Variants in TAAR5 observed in about 807,000 individuals in gnomAD.
TAAR5 encodes trace amine associated receptor 5.
A neutral mutation model predicts 21.1 loss-of-function variants in TAAR5; 27 were observed. The observed-to-expected ratio is 1.28, with a 90% CI of 0.94 to 1.76. TAAR5 has a LOEUF of 1.76. Ranked by LOEUF, TAAR5 falls within the 40% of genes most tolerant of loss-of-function variation. The pLI is 0.00. For synonymous variants in TAAR5, 203 were observed against 167.5 expected, an observed-to-expected ratio of 1.21 and a Z score of -1.64; for missense variants, 495 against 405.6, an observed-to-expected ratio of 1.22 and a Z score of -1.89.
chr6:132,600,382 T>A, the TAAR5 span, among the ~76,000 whole-genome samples: 6 of 152,160 alleles, frequency 3.9e-5, no homozygotes, highest in African/African-American at 7.2e-5. Flanking sequence ...AATGTTTCAA[T>A]GGTATTTGGC....
the TAAR5 span, among the ~76,000 whole-genome samples, chr6:132,598,995 C>T: frequency 6.6e-6 from 1 of 152,148 alleles, no homozygotes; most frequent in Non-Finnish European, 1.5e-5. Context: ...GAAAGTTTGA[C>T]TCATTTATAT....
chr6:132,603,232 G>A, the TAAR5 span, among the ~76,000 whole-genome samples: 8 of 150,978 alleles, frequency 5.3e-5, no homozygotes, highest in African/African-American at 2.0e-4. Flanking sequence ...AACCCAGGGA[G>A]GTCAAGGCTG....
At position 132,589,167 on chromosome 6, in the gene TAAR5, C is replaced by A; in HGVS notation, c.520G>T (p.Val174Leu). 6.2e-7 allele frequency: 1 copy of A among 1,609,126 alleles called. No homozygotes were observed. Among genetic ancestry groups the A allele is most frequent in the Non-Finnish European group, 8.5e-7 (1 of 1,177,642 alleles). ...AYTSLFLYTD[V>L]VETRLSQWLE... ...CACTGGCTGAGCCTTGTCTCTACCA[C>A]ATCTGTGTAGAGGAATAACGAAGTG... is the stretch of plus-strand genomic sequence containing the variant. Residue 174 changes from valine (V) to leucine (L), a missense_variant, in exon 1 of 1, where the codon GTG becomes TTG. Transcript: ENST00000258034.
the TAAR5 span, chr6:132,595,277 C>G: frequency 1.3e-5 from 2 of 153,064 alleles, no homozygotes; most frequent in African/African-American, 4.8e-5. Context: ...GAAATCATTA[C>G]GATCATGTTG....
At chr6:132,590,426 T>C (rs755920350), upstream of TAAR5, among the ~76,000 whole-genome samples, 18 of 152,244 alleles carry the variant, frequency 1.2e-4, no homozygotes, top group Non-Finnish European at 2.4e-4. Flanking sequence ...ATTTAACATC[T>C]TAATGTAAGT....
At chr6:132,601,089 GAGGGAGGGAAGGAGGGAAGA>G in the TAAR5 span, among the ~76,000 whole-genome samples, 1 of 129,800 alleles carries the variant, frequency 7.7e-6, no homozygotes, top group East Asian at 2.9e-4. Flanking sequence ...GGGAAGGAAG[GAGGGAGGGAAGGAGGGAAGA>G]AGGGAAGGAG....
the TAAR5 span, among the ~76,000 whole-genome samples, chr6:132,612,220 C>T: frequency 6.6e-6 from 1 of 152,114 alleles, no homozygotes; most frequent in Non-Finnish European, 1.5e-5. Flanking sequence ...ACTTGTCTAT[C>T]CATCACCACT....
chr6:132,609,007 C>T, the TAAR5 span: 28 of 455,938 alleles, frequency 6.1e-5, no homozygotes, highest in Non-Finnish European at 1.1e-4. Context: ...CTCCACTGAT[C>T]GCATTATGCT....
upstream of TAAR5, among the ~76,000 whole-genome samples, chr6:132,592,499 G>C (rs751119243): frequency 2.0e-5 from 3 of 152,154 alleles, no homozygotes; most frequent in African/African-American, 7.2e-5. Flanking sequence ...ATATGATTTG[G>C]GTCTGTGTCC....
chr6:132,601,594 T>A, the TAAR5 span, among the ~76,000 whole-genome samples: 106 of 152,328 alleles, frequency 7.0e-4, no homozygotes, highest in East Asian at 0.014. Flanking sequence ...AGAAACATGT[T>A]TGTGGATATT....
At chr6:132,604,522 G>A in the TAAR5 span, among the ~76,000 whole-genome samples, 19 of 151,890 alleles carry the variant, frequency 1.3e-4, no homozygotes, top group Non-Finnish European at 2.2e-4. Context: ...AAAAAAATTA[G>A]CCAAATGGAA....
the TAAR5 span, among the ~76,000 whole-genome samples, chr6:132,597,309 TG>T: frequency 0.12 from 18,299 of 152,140 alleles, 1,276 homozygotes; most frequent in East Asian, 0.26. Context: ...CCCACATATA[TG>T]TTTAAAATTA....
At chr6:132,596,192 C>T in the TAAR5 span, among the ~76,000 whole-genome samples, 2 of 152,146 alleles carry the variant, frequency 1.3e-5, no homozygotes, top group Non-Finnish European at 2.9e-5. Flanking sequence ...AGTTGAGGTC[C>T]TTTCCCCCTG....
the TAAR5 span, among the ~76,000 whole-genome samples, chr6:132,611,508 A>T: frequency 6.6e-6 from 1 of 152,218 alleles, no homozygotes; most frequent in South Asian, 2.1e-4. Context: ...TGGTTTGACC[A>T]TTACACATTG....
At position 132,588,850 on chromosome 6, in the gene TAAR5, G is replaced by C. The variant is rs139271973; in HGVS notation, c.837C>G (p.His279Gln). 6.2e-7 allele frequency: 1 copy of C among 1,614,134 alleles called. No individual in the cohort carries two copies. ...TIDTMVDSLL[H>Q]FITPPLVFDI... ...CAAAGACCAGTGGGGGTGTGATAAA[G>C]TGAAGGAGGCTGTCGACCATCGTGT... Residue 279 changes from histidine (H) to glutamine (Q), a missense_variant, in exon 1 of 1, where the codon CAC becomes CAG. Transcript: ENST00000258034.
Position 132,589,280 on chromosome 6 carries a change from A to C in TAAR5, c.407T>G (p.Ile136Ser). The C allele has an allele frequency of 1.2e-6, 2 of 1,611,876 alleles. No homozygotes were observed. The highest frequency in any genetic ancestry group is 1.7e-6 in the Non-Finnish European group (2 of 1,178,820). Residue 136 changes from isoleucine (I) to serine (S), a missense_variant, in exon 1 of 1, where the codon ATC becomes AGC. By Grantham distance (142) the Ile-to-Ser change is moderately radical. Transcript: ENST00000258034. ...CFISIDRHCA[I>S]CDPLLYPSKF... ...GGAGGGATAGAGCAGGGGGTCACAG[A>C]TGGCACAGTGGCGGTCAATGGAAAT...
chr6:132,603,461 G>A, the TAAR5 span, among the ~76,000 whole-genome samples: 1 of 149,064 alleles, frequency 6.7e-6, no homozygotes, highest in Non-Finnish European at 1.5e-5. Flanking sequence ...TTGCAGGAAT[G>A]TATTATATGC....
chr6:132,593,705 C>G (rs1045207856), upstream of TAAR5, among the ~76,000 whole-genome samples: 1 of 152,198 alleles, frequency 6.6e-6, no homozygotes, highest in Non-Finnish European at 1.5e-5. Context: ...TGTGTACACA[C>G]AGGCTGCATA....
chr6:132,615,854 AAC>A, the TAAR5 span, among the ~76,000 whole-genome samples: 3,684 of 149,900 alleles, frequency 0.025, 122 homozygotes, highest in East Asian at 0.19. Context: ...ATTTCAGTGA[AAC>A]ACAGTTCACT....
Sources: allele counts gnomAD v4.1 joint callset (sites outside exome capture counted in the v4.1 genomes callset), GRCh38; gene constraint gnomAD v4.1.1; transcripts MANE v1.5; gene names NCBI Gene and HGNC (gene_info 2026-07-23, HGNC 2026-07-21).